The following NUP153 variants were observed in gnomAD, a reference collection of about 807,000 sequenced individuals.
NUP153 encodes the protein nucleoporin 153, also known as nuclear pore complex protein Nup153.
A neutral mutation model predicts 134.6 loss-of-function variants in NUP153; 27 were observed. That is an observed-to-expected ratio of 0.20 (90% confidence interval 0.15 to 0.28). The LOEUF is 0.28. NUP153 is among the 10% of genes least tolerant of loss of function. NUP153 has a pLI of 1.00. For missense variants in NUP153, 1,821 were observed against 1,731.3 expected (o/e 1.05, Z -0.92); for synonymous variants, 640 against 623.5 (o/e 1.03, Z -0.40).
intron 1 of NUP153, among the ~76,000 whole-genome samples, chr6:17,692,181 G>A (rs935390531): frequency 2.0e-5 from 3 of 152,102 alleles, no homozygotes; most frequent in Non-Finnish European, 4.4e-5. Flanking sequence ...TGGTCAAAGT[G>A]GATATAATAA....
At position 17,628,976 on chromosome 6, in the gene NUP153, TTTC is replaced by T. The variant is rs759517429; in HGVS notation, c.3220_3222del (p.Glu1074del). 3 of 1,614,118 alleles carry T rather than the reference TTTC, an allele frequency of 1.9e-6. No homozygotes were observed. The highest frequency in any genetic ancestry group is 1.7e-6 in the Non-Finnish European group (2 of 1,180,026). ...GAGAATCCTCCTTTGGTGGCAGGCA[TTTC>T]TTCTTTTTTAGCTTCTGATGTCTTA... is the stretch of plus-strand genomic sequence containing the variant. On this transcript the variant is annotated inframe_deletion, in exon 18 of 22. Coordinates refer to ENST00000262077, the MANE Select transcript of NUP153 (RefSeq NM_005124.4). This position sits in a 1 kb window ranked among gnomAD's most constrained non-coding sequence, Gnocchi z 5.4.
intron 1 of NUP153, among the ~76,000 whole-genome samples, chr6:17,690,618 C>T (rs938470735): frequency 2.0e-5 from 3 of 151,960 alleles, no homozygotes; most frequent in Non-Finnish European, 4.4e-5. Flanking sequence ...GTAAGGTAAC[C>T]GATTTTAGGC....
In NUP153 at chr6:17,624,797, G is replaced by C; in HGVS notation, c.3938C>G (p.Pro1313Arg). 1.2e-6 allele frequency: 2 copies of C among 1,613,392 alleles called. No homozygotes were observed. The highest frequency in any genetic ancestry group is 1.7e-6 in the Non-Finnish European group (2 of 1,179,598). ...SFVFGTGPSA[P>R]SASPAFGANQ... ...AGCACCAAATGCTGGACTGGCAGAT[G>C]GTGCTGAGGGTCCAGTTCCAAATAC... The change falls in exon 20 of 22, where the codon CCA (proline) becomes CGA (arginine). Residue 1313 changes from proline (P) to arginine (R), a missense_variant. Coordinates refer to ENST00000262077, the MANE Select transcript of NUP153 (RefSeq NM_005124.4).
chr6:17,669,486 T>A lies in NUP153; in HGVS notation c.913A>T (p.Ser305Cys). 1 of 1,614,186 alleles carries A rather than the reference T, an allele frequency of 6.2e-7. No homozygotes were observed. Among genetic ancestry groups the A allele is most frequent in the Non-Finnish European group, 8.5e-7 (1 of 1,180,006 alleles). Residue 305 changes from serine to cysteine, a missense_variant, in exon 6 of 22, where the codon AGT (serine) becomes TGT (cysteine). By Grantham distance (112) the Ser-to-Cys change is moderately radical (BLOSUM62 -1). Coordinates refer to ENST00000262077, the MANE Select transcript of NUP153 (RefSeq NM_005124.4). The stretch of plus-strand genomic sequence containing the variant: ...TGCAATATTCGCCGAGCTGTTGAAC[T>A]GGTCACACCGTAAGATTGTGCACTG... ...QLSAQSYGVT[S>C]STARRILQSL...
intron 17 of NUP153, among the ~76,000 whole-genome samples, chr6:17,632,366 G>A (rs868064196): frequency 6.6e-6 from 1 of 152,012 alleles, no homozygotes; most frequent in Non-Finnish European, 1.5e-5. Flanking sequence ...CACCTAGGGG[G>A]CTAGCAGTTA....
chr6:17,696,259 T>TA (rs1189097352), intron 1 of NUP153, among the ~76,000 whole-genome samples: 1 of 151,988 alleles, frequency 6.6e-6, no homozygotes, highest in Non-Finnish European at 1.5e-5. Flanking sequence ...CACTAACAAA[T>TA]AAGAGTAAAA....
At chr6:17,646,029 ATTGT>A in intron 14 of NUP153, 34 bp downstream of exon 14, 1 of 898,520 alleles carries the variant, frequency 1.1e-6, no homozygotes, top group Non-Finnish European at 1.8e-6. Flanking sequence ...ACTGTATGCA[ATTGT>A]TTGTATGTTA....
At chr6:17,693,882 T>G (rs1274158818) in intron 1 of NUP153, among the ~76,000 whole-genome samples, 3 of 152,140 alleles carry the variant, frequency 2.0e-5, no homozygotes, top group Admixed American at 6.5e-5. Flanking sequence ...ACTCCCAAAG[T>G]GCACCACCAC....
rs911325012 is a variant in NUP153, at chr6:17,625,085, A to G, written c.3902-252T>C. ...CTACTCCACACCTTTACAGCCGACAATTTCTGGTAAAGGAACATATCTCAG... is the reference window on the plus strand; with the variant it reads ...CTACTCCACACCTTTACAGCCGACAGTTTCTGGTAAAGGAACATATCTCAG... On this transcript the variant is annotated intron_variant, in intron 19 of 21. Transcript: ENST00000262077. The surrounding 1 kb of genome is among the most constrained non-coding windows in gnomAD (Gnocchi z 4.7). Among the ~76,000 whole-genome samples, 2 of 152,234 alleles carry G rather than the reference A, an allele frequency of 1.3e-5. No homozygotes were observed. Among genetic ancestry groups the G allele is most frequent in the Non-Finnish European group, 2.9e-5 (2 of 68,036 alleles).
Position 17,706,820 on chromosome 6 carries a change from G to T in NUP153, c.-433C>A. ...ACGCCCGCCTACCCCTCCCCTGTGC[G>T]CACAGCGCCCGCCCCGCCGCCGTCG... is the stretch of plus-strand genomic sequence containing the variant. On this transcript the variant is annotated 5_prime_UTR_variant, in exon 1 of 22. Coordinates refer to ENST00000262077, the MANE Select transcript of NUP153 (RefSeq NM_005124.4). This position sits in a 1 kb window ranked among gnomAD's most constrained non-coding sequence, Gnocchi z 5.9. 1 of 171,654 alleles carries T rather than the reference G, an allele frequency of 5.8e-6. No homozygotes were observed. The highest frequency in any genetic ancestry group is 1.3e-5 in the Non-Finnish European group (1 of 79,970). The allele number at this position is 171,654 out of a possible 1,614,324, so 10.6% of individuals were successfully genotyped here.
chr6:17,630,199 A>T (rs1301902617), intron 17 of NUP153, among the ~76,000 whole-genome samples: 1 of 152,334 alleles, frequency 6.6e-6, no homozygotes, highest in East Asian at 1.9e-4. Flanking sequence ...TTACATTTGG[A>T]AGTGGGAGGG....
chr6:17,665,093 A>T (rs960107179), intron 9 of NUP153, 146 bp downstream of exon 9: 11 of 443,388 alleles, frequency 2.5e-5, no homozygotes, highest in African/African-American at 2.3e-4. Flanking sequence ...CTATTTTAAA[A>T]GCATACCAAT....
intron 16 of NUP153, 94 bp downstream of exon 16, chr6:17,637,059 C>T: frequency 8.2e-7 from 1 of 1,222,126 alleles, no homozygotes; most frequent in African/African-American, 1.5e-5. Context: ...GAGAAATGCT[C>T]ATCCTGAAAC....
chr6:17,631,306 A>T (rs1765240676), intron 17 of NUP153, among the ~76,000 whole-genome samples: 1 of 152,224 alleles, frequency 6.6e-6, no homozygotes, highest in Admixed American at 6.5e-5. Context: ...TTTGGTTTGC[A>T]ATCAAGAGTT....
rs113164641 is a variant in NUP153 at position 17,701,842 on chromosome 6, GGGAAAA to G, written c.111+4429_111+4434del. On this transcript the variant is annotated intron_variant, in intron 1 of 21. Transcript: ENST00000262077. The stretch of plus-strand genomic sequence containing the variant: ...AGCAAGACTCTGTCTCGGGGGGGGG[GGGAAAA>G]AAGCTAAATGCAGGAACTGACTTGT... Among the ~76,000 whole-genome samples, 382 of 103,028 alleles carry G rather than the reference GGGAAAA, an allele frequency of 3.7e-3. 33 individuals are homozygous for G. The highest frequency in any genetic ancestry group is 0.013 in the African/African-American group (355 of 28,180). 67.6% of individuals were successfully genotyped at this position (103,028 alleles called of 152,430 possible).
At chr6:17,695,815 C>T (rs1769602874) in intron 1 of NUP153, among the ~76,000 whole-genome samples, 10 of 152,168 alleles carry the variant, frequency 6.6e-5, no homozygotes. Context: ...CGAGACCATC[C>T]TGGCTAACAC....
chr6:17,618,954 A>G (rs77801592), intron 20 of NUP153, among the ~76,000 whole-genome samples: 6,202 of 152,308 alleles, frequency 0.041, 395 homozygotes, highest in East Asian at 0.29. Flanking sequence ...AGGAAGGATT[A>G]GGGGACAAAA....
chr6:17,637,615 G>C lies in NUP153; in HGVS notation c.2002C>G (p.Leu668Val), dbSNP rs1765620961. Reference protein sequence around the residue: ...AGSSWQCDTCLLQNKVTDNKC... With the variant: ...AGSSWQCDTCVLQNKVTDNKC... ...TTGTCTGTAACTTTGTTCTGGAGTA[G>C]ACATGTATCACACTGCCATGATGAC... is the stretch of plus-strand genomic sequence containing the variant. The change falls in exon 16 of 22, where the codon CTA becomes GTA. Residue 668 changes from leucine (L) to valine (V), a missense_variant. Transcript: ENST00000262077. The C allele has an allele frequency of 1.9e-6, 3 of 1,614,084 alleles. No homozygotes were observed. Among genetic ancestry groups the C allele is most frequent in the Non-Finnish European group, 2.5e-6 (3 of 1,180,026 alleles).
chr6:17,691,462 TAC>T (rs1240064032), intron 1 of NUP153, among the ~76,000 whole-genome samples: 12 of 152,272 alleles, frequency 7.9e-5, no homozygotes, highest in African/African-American at 2.6e-4. Flanking sequence ...AAAGCTATAA[TAC>T]AGTTTAAGAC....
Sources: gnomAD v4.1 joint callset for allele counts (sites outside exome capture counted in the v4.1 genomes callset) on GRCh38, gnomAD v4.1.1 for gene constraint, Gnocchi (gnomAD v3.1) non-coding constraint, MANE v1.5 for transcripts, NCBI Gene and HGNC (gene_info 2026-07-23, HGNC 2026-07-21) for gene names.